The following LYPD6B variants were observed in gnomAD, a reference collection of about 807,000 sequenced individuals.
LYPD6B encodes ly6/PLAUR domain-containing protein 6B.
Under a neutral mutation model 22.8 loss-of-function variants are expected in LYPD6B, and 17 were observed. The observed-to-expected ratio is 0.75, with a 90% CI of 0.51 to 1.12. The LOEUF is 1.12. LYPD6B is among the 50% of genes most tolerant of loss of function. LYPD6B has a pLI of 0.00. For synonymous variants in LYPD6B, 106 were observed against 91.6 expected, an observed-to-expected ratio of 1.16 and a Z score of -0.90; for missense variants, 221 against 258.3, an observed-to-expected ratio of 0.86 and a Z score of 0.99.
intron 3 of LYPD6B, among the ~76,000 whole-genome samples, chr2:149,191,790 A>G (rs1692512501): frequency 6.6e-6 from 1 of 152,254 alleles, no homozygotes; most frequent in Non-Finnish European, 1.5e-5. Flanking sequence ...TAACGAAAGT[A>G]CTAGTAATAG....
At chr2:149,199,502 A>G (rs1402905617) in intron 3 of LYPD6B, among the ~76,000 whole-genome samples, 1 of 152,166 alleles carries the variant, frequency 6.6e-6, no homozygotes, top group Non-Finnish European at 1.5e-5. Context: ...TAATTGCACT[A>G]CTTTCAAGGT....
chr2:149,189,089 T>C (rs1270993866), intron 3 of LYPD6B, among the ~76,000 whole-genome samples: 1 of 151,770 alleles, frequency 6.6e-6, no homozygotes, highest in Non-Finnish European at 1.5e-5. Context: ...TCCTTTCCTA[T>C]TGGAGTGGAT....
intron 4 of LYPD6B, chr2:149,206,336 C>G: frequency 4.7e-6 from 1 of 212,338 alleles, no homozygotes; most frequent in Non-Finnish European, 9.7e-6. Context: ...CATTACTGTT[C>G]TTTACTTTGT....
At chr2:149,103,551 T>C (rs955913528) in intron 1 of LYPD6B, among the ~76,000 whole-genome samples, 1 of 152,108 alleles carries the variant, frequency 6.6e-6, no homozygotes, top group African/African-American at 2.4e-5. Flanking sequence ...TTTGGACATA[T>C]GTAGTATAGA....
chr2:149,108,022 C>T (rs1905202), intron 1 of LYPD6B, among the ~76,000 whole-genome samples: 34,805 of 152,088 alleles, frequency 0.23, 4,951 homozygotes, highest in East Asian at 0.55. Context: ...TCCCCACCCA[C>T]ATCTCACCTT....
At chr2:149,187,305 G>A (rs1195563773) in intron 3 of LYPD6B, 7 of 1,007,300 alleles carry the variant, frequency 6.9e-6, no homozygotes, top group Non-Finnish European at 9.2e-6. Flanking sequence ...TTTGAATAAT[G>A]CACTAAATGA....
intron 3 of LYPD6B, among the ~76,000 whole-genome samples, chr2:149,182,677 C>T (rs1691823719): frequency 6.6e-6 from 1 of 152,170 alleles, no homozygotes; most frequent in African/African-American, 2.4e-5. Flanking sequence ...TCTGTGGATG[C>T]TCACAACCAA....
At chr2:149,120,528 G>A (rs1475971972) in intron 1 of LYPD6B, among the ~76,000 whole-genome samples, 4 of 147,472 alleles carry the variant, frequency 2.7e-5, no homozygotes, top group African/African-American at 5.0e-5. Flanking sequence ...GACTACAGGC[G>A]CCCGCCACCA....
chr2:149,143,927 G>C (rs1688852277), intron 2 of LYPD6B: 1 of 152,234 alleles, frequency 6.6e-6, no homozygotes, highest in African/African-American at 2.4e-5. Flanking sequence ...TCTCAAGCCA[G>C]TGGACAGCCA....
intron 1 of LYPD6B, among the ~76,000 whole-genome samples, chr2:149,048,016 A>G (rs190253839): frequency 2.2e-4 from 33 of 152,162 alleles, no homozygotes; most frequent in Admixed American, 6.5e-4. Context: ...AACATTTTCC[A>G]TTTAATCTTT....
chr2:149,120,383 A>ATATTTTTTTTTTT (rs1327065975), intron 1 of LYPD6B, among the ~76,000 whole-genome samples: 2 of 48,618 alleles, frequency 4.1e-5, no homozygotes, highest in African/African-American at 2.1e-4. Flanking sequence ...ATATATATAT[A>ATATTTTTTTTTTT]TTTTTTTTTT....
intron 3 of LYPD6B, among the ~76,000 whole-genome samples, chr2:149,168,224 A>AAAG (rs1690564280): frequency 6.6e-6 from 1 of 151,342 alleles, no homozygotes; most frequent in Admixed American, 6.6e-5. Flanking sequence ...AAAAAAAAAA[A>AAAG]AAAAAAAAAA....
At chr2:149,094,808 G>A (rs920054469) in intron 1 of LYPD6B, among the ~76,000 whole-genome samples, 20 of 152,214 alleles carry the variant, frequency 1.3e-4, no homozygotes, top group African/African-American at 4.8e-4. Flanking sequence ...TTGTATGCTT[G>A]GCATTGCTTT....
At chr2:149,150,741 A>G (rs1689313706) in intron 2 of LYPD6B, among the ~76,000 whole-genome samples, 1 of 152,050 alleles carries the variant, frequency 6.6e-6, no homozygotes. Context: ...AATTAAAAAT[A>G]TATATTTATT....
chr2:149,045,105 T>C (rs1683250605), intron 1 of LYPD6B, among the ~76,000 whole-genome samples: 1 of 152,094 alleles, frequency 6.6e-6, no homozygotes. Context: ...TATAAATAGA[T>C]ATAGGACTAT....
At chr2:149,101,161 T>G (rs889579148) in intron 1 of LYPD6B, 1 of 152,234 alleles carries the variant, frequency 6.6e-6, no homozygotes, top group African/African-American at 2.4e-5. Context: ...CTATTCAATA[T>G]CAGCGCGACT....
intron 4 of LYPD6B, chr2:149,205,927 C>A: frequency 2.7e-6 from 1 of 368,560 alleles, no homozygotes; most frequent in South Asian, 2.4e-5. Context: ...ATATTAGTAA[C>A]ACATACAGGA....
intron 1 of LYPD6B, among the ~76,000 whole-genome samples, chr2:149,096,752 G>A (rs975466738): frequency 3.9e-5 from 6 of 152,150 alleles, no homozygotes; most frequent in African/African-American, 1.2e-4. Context: ...GAAAAGATAA[G>A]TTGCTGACTG....
At chr2:149,072,483 TTTTA>T (rs1256835217) in intron 1 of LYPD6B, among the ~76,000 whole-genome samples, 1 of 43,184 alleles carries the variant, frequency 2.3e-5, no homozygotes, top group Non-Finnish European at 5.1e-5. Context: ...GGGTGGTTAT[TTTTA>T]TTTTATTTTA....
Sources: gnomAD v4.1 joint callset for allele counts (sites outside exome capture counted in the v4.1 genomes callset) on GRCh38, gnomAD v4.1.1 for gene constraint, MANE v1.5 for transcripts, NCBI Gene and HGNC (gene_info 2026-07-23, HGNC 2026-07-21) for gene names.